Variants in TENM3 observed in about 807,000 individuals in gnomAD.
The protein encoded by TENM3 is teneurin transmembrane protein 3, also known as teneurin-3.
A neutral mutation model predicts 255.1 loss-of-function variants in TENM3; 63 were observed. The observed-to-expected ratio is 0.25, with a 90% confidence interval of 0.20 to 0.30. The LOEUF (loss-of-function observed/expected upper bound fraction) is 0.30, where lower values mean the gene tolerates loss of function less well. Ranked by LOEUF, TENM3 falls within the 10% of genes least tolerant of loss-of-function variation. TENM3 has a pLI of 1.00. For synonymous variants in TENM3, 1,306 were observed against 1,322.3 expected (o/e 0.99, Z 0.27); for missense variants, 2,929 against 3,461.1 (o/e 0.85, Z 3.86).
the TENM3 span, among the ~76,000 whole-genome samples, chr4:181,765,932 T>C: frequency 4.1e-4 from 62 of 152,350 alleles, no homozygotes; most frequent in African/African-American, 1.4e-3. Flanking sequence ...TGTTAAGTTA[T>C]GTGGATCAGC....
At chr4:181,805,442 T>C in the TENM3 span, among the ~76,000 whole-genome samples, 1 of 152,138 alleles carries the variant, frequency 6.6e-6, no homozygotes, top group Non-Finnish European at 1.5e-5. Context: ...CCCCATTCTT[T>C]TGCCTTCATT....
intron 4 of TENM3, among the ~76,000 whole-genome samples, chr4:182,617,705 G>A (rs550774454): frequency 1.3e-5 from 2 of 152,276 alleles, no homozygotes; most frequent in African/African-American, 4.8e-5. Flanking sequence ...CTAATTTGAA[G>A]AAAGCAATCT....
chr4:181,455,641 A>G, the TENM3 span, among the ~76,000 whole-genome samples: 4 of 152,012 alleles, frequency 2.6e-5, no homozygotes, highest in African/African-American at 9.7e-5. Flanking sequence ...TGTATATACT[A>G]TAAGTAATAT....
the TENM3 span, among the ~76,000 whole-genome samples, chr4:181,977,469 T>G: frequency 6.6e-6 from 1 of 152,340 alleles, no homozygotes; most frequent in African/African-American, 2.4e-5. Flanking sequence ...AGCATTAGCA[T>G]AGATTAATTA....
the TENM3 span, among the ~76,000 whole-genome samples, chr4:181,776,400 G>A: frequency 3.7e-4 from 56 of 152,002 alleles, no homozygotes; most frequent in African/African-American, 1.3e-3. Flanking sequence ...GAATCCCTTC[G>A]AAATACTGAT....
intron 3 of TENM3, among the ~76,000 whole-genome samples, chr4:182,443,968 C>A (rs1772703372): frequency 6.6e-6 from 1 of 152,100 alleles, no homozygotes; most frequent in African/African-American, 2.4e-5. Context: ...GAGAACTCAC[C>A]TTTAGAAATG....
At chr4:182,461,129 A>G (rs1774291534) in intron 3 of TENM3, among the ~76,000 whole-genome samples, 1 of 152,198 alleles carries the variant, frequency 6.6e-6, no homozygotes, top group South Asian at 2.1e-4. Flanking sequence ...CACAATCATA[A>G]TTTATAATAT....
chr4:181,760,111 TCAAAA>T, the TENM3 span, among the ~76,000 whole-genome samples: 1 of 152,026 alleles, frequency 6.6e-6, no homozygotes, highest in Non-Finnish European at 1.5e-5. Context: ...TTAACAAATT[TCAAAA>T]CATAGAGATT....
chr4:182,648,336 T>C (rs1038685667), intron 5 of TENM3, among the ~76,000 whole-genome samples: 3 of 150,434 alleles, frequency 2.0e-5, no homozygotes, highest in Non-Finnish European at 4.4e-5. Context: ...CAGGCTGGAG[T>C]GCAGTGGCAT....
At chr4:182,097,320 C>T in the TENM3 span, among the ~76,000 whole-genome samples, 24 of 152,182 alleles carry the variant, frequency 1.6e-4, no homozygotes, top group African/African-American at 4.8e-4. Flanking sequence ...GTCAACAACA[C>T]TAGCCCTTCT....
At chr4:182,267,916 G>C (rs1240055039) in intron 1 of TENM3, among the ~76,000 whole-genome samples, 1 of 152,130 alleles carries the variant, frequency 6.6e-6, no homozygotes, top group Non-Finnish European at 1.5e-5. Flanking sequence ...TTGTTTTTAA[G>C]TTTATTTCTG....
At chr4:181,745,653 G>A in the TENM3 span, among the ~76,000 whole-genome samples, 1 of 152,082 alleles carries the variant, frequency 6.6e-6, no homozygotes, top group Non-Finnish European at 1.5e-5. Flanking sequence ...GAGAGCTTGG[G>A]GAAGATCTCT....
At chr4:181,719,678 T>C in the TENM3 span, among the ~76,000 whole-genome samples, 1 of 152,160 alleles carries the variant, frequency 6.6e-6, no homozygotes, top group Admixed American at 6.5e-5. Flanking sequence ...GGTTAAAACA[T>C]ATGAATTTGG....
chr4:181,984,275 A>T, the TENM3 span, among the ~76,000 whole-genome samples: 2 of 152,240 alleles, frequency 1.3e-5, no homozygotes, highest in South Asian at 4.1e-4. Flanking sequence ...AATACAAATA[A>T]ATAAATGTAT....
chr4:181,778,145 A>C, the TENM3 span, among the ~76,000 whole-genome samples: 4 of 152,126 alleles, frequency 2.6e-5, no homozygotes, highest in East Asian at 7.7e-4. Flanking sequence ...TTTTTATTTT[A>C]ATTAATAAGA....
Position 182,363,537 on chromosome 4 carries a change from T to TA in TENM3, c.511+16617dup, listed in dbSNP as rs377063302. 2.3e-4 allele frequency among the ~76,000 whole-genome samples: 35 copies of TA among 151,018 alleles called. 1 individual carries two copies. In the East Asian group the frequency reaches 2.3e-3, roughly 10 times the overall value. ...TTTGCACTAGCAATGTTCTTTTGCT[T>TA]AAAAAAAAATGCATGTTTATAAACA... On this transcript the variant is annotated intron_variant, in intron 3 of 27. Coordinates refer to ENST00000511685, the MANE Select transcript of TENM3 (RefSeq NM_001080477.4).
intron 3 of TENM3, among the ~76,000 whole-genome samples, chr4:182,569,164 A>G (rs1457179092): frequency 6.6e-6 from 1 of 152,214 alleles, no homozygotes; most frequent in Non-Finnish European, 1.5e-5. Context: ...CAGTTAAAAC[A>G]TGTAATCAAA....
chr4:181,742,537 G>GA, the TENM3 span, among the ~76,000 whole-genome samples: 2 of 151,970 alleles, frequency 1.3e-5, no homozygotes, highest in African/African-American at 4.8e-5. Context: ...ATTCTTGTGG[G>GA]AAAAAACGGA....
the TENM3 span, among the ~76,000 whole-genome samples, chr4:181,695,397 T>C: frequency 5.3e-5 from 8 of 152,182 alleles, no homozygotes; most frequent in Non-Finnish European, 2.9e-5. Context: ...AATCCCCAAA[T>C]CAATTACATG....
Sources: allele counts gnomAD v4.1 joint callset (sites outside exome capture counted in the v4.1 genomes callset), GRCh38; gene constraint gnomAD v4.1.1; transcripts MANE v1.5; gene names NCBI Gene and HGNC (gene_info 2026-07-23, HGNC 2026-07-21).